Variants in NID1 observed in about 807,000 individuals in gnomAD.
The protein encoded by NID1 is nidogen-1.
Under a neutral mutation model 130.6 loss-of-function variants are expected in NID1, and 76 were observed. The observed-to-expected ratio is 0.58, with a 90% CI of 0.48 to 0.70. The LOEUF (loss-of-function observed/expected upper bound fraction) is 0.70, where lower values mean the gene tolerates loss of function less well. Among genes scored for constraint, NID1 ranks in the 30% least tolerant of loss-of-function variants. NID1 has a pLI of 0.00. For synonymous variants in NID1, 665 were observed against 675.1 expected (o/e 0.98, Z 0.23); for missense variants, 1,517 against 1,664.8 (o/e 0.91, Z 1.54).
In NID1 at chr1:236,012,005, C is replaced by T. The variant is rs185398082; in HGVS notation, c.2443G>A (p.Ala815Thr). 8 of 1,614,150 alleles carry T rather than the reference C, an allele frequency of 5.0e-6. No individual in the cohort carries two copies. The highest frequency in any genetic ancestry group is 3.3e-4 in the Middle Eastern group (2 of 6,060). The change falls in exon 12 of 20, where the codon GCC (alanine) becomes ACC (threonine). Residue 815 changes from alanine to threonine, a missense_variant. By Grantham distance (58) the Ala-to-Thr change is moderately conservative (BLOSUM62 0). Coordinates refer to ENST00000264187, the MANE Select transcript of NID1 (RefSeq NM_002508.3). ...ECQPSRCHPD[A>T]FCYNTPGSFT... ...GAGCCTGGAGTGTTGTAGCAGAAGG[C>T]GTCAGGGTGACATCGGCTTGGCTGG...
At chr1:236,027,212 C>A (rs1232507364) in intron 7 of NID1, among the ~76,000 whole-genome samples, 2 of 152,090 alleles carry the variant, frequency 1.3e-5, no homozygotes, top group African/African-American at 2.4e-5. Context: ...AGAGGGCCTG[C>A]TATGGCCCAT....
At chr1:236,019,288 C>T (rs936439315) in intron 9 of NID1, among the ~76,000 whole-genome samples, 1 of 152,268 alleles carries the variant, frequency 6.6e-6, no homozygotes, top group African/African-American at 2.4e-5. Flanking sequence ...TGTCCACTGC[C>T]TCTGTGCTGC....
chr1:235,985,458 A>C lies in NID1; in HGVS notation c.2976T>G (p.Val992=), dbSNP rs762934304. 6 of 1,614,022 alleles carry C rather than the reference A, an allele frequency of 3.7e-6. No individual in the cohort carries two copies. The highest frequency in any genetic ancestry group is 1.3e-5 in the African/African-American group (1 of 74,912). ...AAGGCTCAGTGATGTCCGTCCAGTAAACCATCTTGTCCACGCAGTCAAAGG... is the reference window on the plus strand; with the variant it reads ...AAGGCTCAGTGATGTCCGTCCAGTACACCATCTTGTCCACGCAGTCAAAGG... The part of the protein sequence containing the change: ...GLAFDCVDKM[V]YWTDITEPSI... The change falls in exon 15 of 20, where the codon GTT becomes GTG. Residue 992 remains valine (V), a synonymous_variant. Coordinates refer to ENST00000264187, the MANE Select transcript of NID1 (RefSeq NM_002508.3).
At chr1:236,003,264 C>T (rs1307601670) in intron 12 of NID1, among the ~76,000 whole-genome samples, 1 of 152,240 alleles carries the variant, frequency 6.6e-6, no homozygotes, top group African/African-American at 2.4e-5. Flanking sequence ...TGCCCAGTTA[C>T]AGTGCAGACT....
At chr1:236,022,719 T>TAAA (rs1658801634) in intron 9 of NID1, among the ~76,000 whole-genome samples, 1 of 151,620 alleles carries the variant, frequency 6.6e-6, no homozygotes, top group South Asian at 2.1e-4. Flanking sequence ...GGTGGGAACA[T>TAAA]AAAATGTTGC....
intron 1 of NID1, among the ~76,000 whole-genome samples, chr1:236,060,190 G>A (rs1660002644): frequency 6.6e-6 from 1 of 151,670 alleles, no homozygotes; most frequent in Admixed American, 6.6e-5. Context: ...ATTTCTTGAT[G>A]ATATGCTAAA....
intron 3 of NID1, among the ~76,000 whole-genome samples, chr1:236,043,181 G>A (rs892440419): frequency 7.2e-5 from 11 of 152,130 alleles, no homozygotes; most frequent in Non-Finnish European, 1.5e-5. Flanking sequence ...ACTGGTAATA[G>A]TGAAGCATTT....
intron 1 of NID1, among the ~76,000 whole-genome samples, chr1:236,061,850 A>G (rs1304797673): frequency 2.0e-5 from 3 of 152,192 alleles, no homozygotes; most frequent in Non-Finnish European, 2.9e-5. Context: ...TAGCCATCAG[A>G]GAGATGCAAA....
intron 1 of NID1, among the ~76,000 whole-genome samples, chr1:236,055,885 A>G (rs1442666478): frequency 1.3e-5 from 2 of 152,198 alleles, no homozygotes; most frequent in African/African-American, 4.8e-5. Context: ...TGATACAGGT[A>G]TATGTTGTGA....
intron 10 of NID1, among the ~76,000 whole-genome samples, chr1:236,014,008 C>A (rs1572596206): frequency 6.6e-6 from 1 of 152,170 alleles, no homozygotes; most frequent in Non-Finnish European, 1.5e-5. Flanking sequence ...CCTTGGCCCA[C>A]CCTGTACAGG....
chr1:236,054,672 C>T (rs887995142), intron 1 of NID1, among the ~76,000 whole-genome samples: 6 of 151,464 alleles, frequency 4.0e-5, no homozygotes, highest in Non-Finnish European at 8.8e-5. Context: ...GACAGAGTCT[C>T]GCTCTGTCAC....
chr1:235,998,793 T>C lies in NID1; in HGVS notation c.2528-4921A>G, dbSNP rs376615113. On this transcript the variant is annotated intron_variant, in intron 12 of 19. Coordinates refer to ENST00000264187, the MANE Select transcript of NID1 (RefSeq NM_002508.3). ...TATAAGCTGTTTCCATTCACAGATA[T>C]GTTTCATTTGATTCTCATTGCAATC... Among the ~76,000 whole-genome samples the C allele has an allele frequency of 8.5e-5, 13 of 152,354 alleles. No individual in the cohort carries two copies. The South Asian group carries it at 2.7e-3, about 32-fold the overall frequency.
At chr1:236,026,176 G>A in intron 7 of NID1, 35 bp from the exon 8 acceptor site, 1 of 1,606,952 alleles carries the variant, frequency 6.2e-7, no homozygotes, top group Non-Finnish European at 8.5e-7. Context: ...GACAAGGCAG[G>A]GAGACAGAGG....
chr1:236,026,522 G>A (rs1430598478), intron 7 of NID1, among the ~76,000 whole-genome samples: 1 of 152,070 alleles, frequency 6.6e-6, no homozygotes, highest in Non-Finnish European at 1.5e-5. Context: ...TGTGGCCACT[G>A]GCTGATGACT....
intron 10 of NID1, among the ~76,000 whole-genome samples, chr1:236,015,990 C>T (rs1658584268): frequency 6.6e-6 from 1 of 152,166 alleles, no homozygotes; most frequent in Non-Finnish European, 1.5e-5. Context: ...ATCTCAGTTA[C>T]TGTGCACATC....
chr1:236,025,123 TGTG>T (rs1252798992), intron 8 of NID1, among the ~76,000 whole-genome samples: 1 of 151,440 alleles, frequency 6.6e-6, no homozygotes, highest in Non-Finnish European at 1.5e-5. Flanking sequence ...AGCTAAATTT[TGTG>T]TTGTTAGTAG....
intron 9 of NID1, among the ~76,000 whole-genome samples, chr1:236,018,834 C>A (rs957628287): frequency 6.6e-6 from 1 of 152,192 alleles, no homozygotes; most frequent in Admixed American, 6.5e-5. Flanking sequence ...TCATAAATCT[C>A]TTCCCCAGCG....
chr1:236,002,766 G>A (rs1485340002), intron 12 of NID1, among the ~76,000 whole-genome samples: 2 of 152,172 alleles, frequency 1.3e-5, no homozygotes, highest in Admixed American at 6.5e-5. Context: ...CGATCACTCC[G>A]CGGATTTGGA....
intron 1 of NID1, among the ~76,000 whole-genome samples, chr1:236,063,495 T>TA (rs1558454493): frequency 8.8e-5 from 13 of 147,708 alleles, no homozygotes; most frequent in African/African-American, 3.4e-4. Flanking sequence ...AATAAATAAA[T>TA]AAATAAATAA....
Sources: allele counts gnomAD v4.1 joint callset (sites outside exome capture counted in the v4.1 genomes callset), GRCh38; gene constraint gnomAD v4.1.1; transcripts MANE v1.5; gene names NCBI Gene and HGNC (gene_info 2026-07-23, HGNC 2026-07-21).